Variants in ANK3 observed in about 807,000 individuals in gnomAD.
The protein encoded by ANK3 is ankyrin-3.
ANK3 carries 57 observed loss-of-function variants against 370.9 expected under a neutral mutation model. That is an observed-to-expected ratio of 0.15 (90% CI 0.12 to 0.19). ANK3 has a LOEUF of 0.19. ANK3 is among the 10% of genes least tolerant of loss of function. The pLI, the probability that ANK3 is intolerant of heterozygous loss-of-function variation, is 1.00. For missense variants in ANK3, 4,439 were observed against 5,302.1 expected (o/e 0.84, Z 5.06); for synonymous variants, 1,929 against 1,946.3 (o/e 0.99, Z 0.23).
intron 23 of ANK3, among the ~76,000 whole-genome samples, chr10:60,154,465 T>C (rs7096190): frequency 1 from 151,603 of 152,322 alleles, 75,448 homozygotes; most frequent in Middle Eastern, 1. Context: ...GTAATTCACC[T>C]TACTTTTTTG....
intron 2 of ANK3, among the ~76,000 whole-genome samples, chr10:60,409,950 T>C (rs377128013): frequency 3.6e-4 from 55 of 152,290 alleles, no homozygotes; most frequent in African/African-American, 1.2e-3. Flanking sequence ...AGCTTCATCA[T>C]GTCTAGGCTC....
At position 60,074,917 on chromosome 10, in the gene ANK3, G is replaced by T; in HGVS notation, c.5964C>A (p.Asp1988Glu). ...TTTCTTCCGAACTAAATTCTATCCA[G>T]TCATCTTCAGGAGAGTGTCCTTTGT... ...KSDKGHSPEDDWIEFSSEEIR... is the reference protein window; with the variant it reads ...KSDKGHSPEDEWIEFSSEEIR... Residue 1988 changes from aspartate to glutamate, a missense_variant, in exon 37 of 44, where the codon GAC (aspartate) becomes GAA (glutamate). Physicochemically the swap from Asp to Glu is conservative, Grantham distance 45. Around this residue, in one of 13 missense-constraint regions of ANK3, gnomAD observed 679 missense variants for 791.0 expected, o/e 0.86. Coordinates refer to ENST00000280772, the MANE Select transcript of ANK3 (RefSeq NM_020987.5). 4 of 1,614,078 alleles carry T rather than the reference G, an allele frequency of 2.5e-6. No individual in the cohort carries two copies. Among genetic ancestry groups the T allele is most frequent in the African/African-American group, 1.3e-5 (1 of 75,032 alleles).
At chr10:60,197,237 G>A (rs1444495675) in intron 14 of ANK3, among the ~76,000 whole-genome samples, 2 of 152,144 alleles carry the variant, frequency 1.3e-5, no homozygotes, top group South Asian at 2.1e-4. Context: ...TTAGAATGAC[G>A]ACGTCTATTC....
chr10:60,145,319 A>G (rs2094760726), intron 23 of ANK3, among the ~76,000 whole-genome samples: 1 of 152,220 alleles, frequency 6.6e-6, no homozygotes, highest in Non-Finnish European at 1.5e-5. Context: ...TCTTAATAGA[A>G]CTCAGCAAAT....
intron 7 of ANK3, among the ~76,000 whole-genome samples, chr10:60,248,260 A>G (rs1210850373): frequency 6.6e-6 from 1 of 152,228 alleles, no homozygotes; most frequent in African/African-American, 2.4e-5. Flanking sequence ...AGCTGCTTTC[A>G]TTGTGGTTGT....
At chr10:60,566,249 G>C (rs2077457845) in intron 2 of ANK3, among the ~76,000 whole-genome samples, 1 of 151,976 alleles carries the variant, frequency 6.6e-6, no homozygotes, top group Non-Finnish European at 1.5e-5. Context: ...CCATCTACCT[G>C]GGCCTCCCTA....
At chr10:60,331,948 G>A (rs1386597161) in intron 1 of ANK3, among the ~76,000 whole-genome samples, 4 of 150,616 alleles carry the variant, frequency 2.7e-5, no homozygotes, top group South Asian at 4.2e-4. Flanking sequence ...CCTTTAATTA[G>A]GTAACATCTT....
At chr10:60,275,929 G>A (rs1272961258) in intron 4 of ANK3, among the ~76,000 whole-genome samples, 1 of 152,106 alleles carries the variant, frequency 6.6e-6, no homozygotes, top group Non-Finnish European at 1.5e-5. Context: ...GTTAATCATT[G>A]TTGATACATC....
At chr10:60,438,060 GCTTAT>G in intron 2 of ANK3, among the ~76,000 whole-genome samples, 2 of 152,166 alleles carry the variant, frequency 1.3e-5, no homozygotes, top group East Asian at 3.9e-4. Flanking sequence ...AGGAGGCCAA[GCTTAT>G]CTTAGCCAGA....
intron 2 of ANK3, among the ~76,000 whole-genome samples, chr10:60,510,529 C>T (rs1406286114): frequency 1.3e-5 from 2 of 152,156 alleles, no homozygotes; most frequent in South Asian, 4.1e-4. Context: ...AGAAATGTAG[C>T]GTCAGAGCAT....
At chr10:60,356,615 C>T (rs964652985) in intron 1 of ANK3, among the ~76,000 whole-genome samples, 6 of 152,216 alleles carry the variant, frequency 3.9e-5, no homozygotes, top group African/African-American at 1.2e-4. Flanking sequence ...ACCATCCTCC[C>T]GGAGAGATTT....
At chr10:60,668,084 A>G (rs2079021225) in intron 1 of ANK3, among the ~76,000 whole-genome samples, 1 of 151,436 alleles carries the variant, frequency 6.6e-6, no homozygotes, top group Non-Finnish European at 1.5e-5. Context: ...CCACTGCATT[A>G]ATATGTGCAA....
chr10:60,457,978 C>T (rs1369562076), intron 2 of ANK3, among the ~76,000 whole-genome samples: 2 of 152,074 alleles, frequency 1.3e-5, no homozygotes, highest in Non-Finnish European at 2.9e-5. Flanking sequence ...GTTAACCTGT[C>T]TCTTTCTATT....
At chr10:60,107,956 A>G (rs2092363046) in intron 27 of ANK3, among the ~76,000 whole-genome samples, 1 of 152,230 alleles carries the variant, frequency 6.6e-6, no homozygotes, top group African/African-American at 2.4e-5. Flanking sequence ...GAATGCTTGC[A>G]GTGAATTCCA....
At chr10:60,100,850 C>A (rs1043344314) in intron 28 of ANK3, among the ~76,000 whole-genome samples, 7 of 152,228 alleles carry the variant, frequency 4.6e-5, no homozygotes, top group African/African-American at 1.7e-4. Context: ...TACACACTGT[C>A]CAGAGAGGCA....
intron 7 of ANK3, among the ~76,000 whole-genome samples, chr10:60,247,731 G>A (rs573672645): frequency 2.0e-5 from 3 of 152,180 alleles, no homozygotes; most frequent in South Asian, 4.2e-4. Flanking sequence ...GCAGTGGCGC[G>A]ATCTTGGCTC....
intron 1 of ANK3, among the ~76,000 whole-genome samples, chr10:60,696,897 G>A (rs1213267232): frequency 1.5e-4 from 22 of 144,376 alleles, no homozygotes; most frequent in African/African-American, 5.8e-4. Context: ...TGGAAGTTCT[G>A]GCCAGGGCAA....
At chr10:60,164,036 C>T (rs1018894484) in intron 23 of ANK3, among the ~76,000 whole-genome samples, 6 of 152,172 alleles carry the variant, frequency 3.9e-5, no homozygotes, top group Non-Finnish European at 8.8e-5. Context: ...ACAATCAAAG[C>T]TCTGGCAAGA....
At chr10:60,264,648 A>AAAAAAAAG (rs2097853031) in intron 5 of ANK3, among the ~76,000 whole-genome samples, 1 of 29,674 alleles carries the variant, frequency 3.4e-5, no homozygotes, top group Non-Finnish European at 1.1e-4. Context: ...AAAAAAAAAG[A>AAAAAAAAG]AAAAAAAAAA....
Sources: gnomAD v4.1 joint callset for allele counts (sites outside exome capture counted in the v4.1 genomes callset) on GRCh38, gnomAD v4.1.1 for gene constraint, gnomAD v4.1.1 regional missense constraint, MANE v1.5 for transcripts, NCBI Gene and HGNC (gene_info 2026-07-23, HGNC 2026-07-21) for gene names.